CSMD1: variants seen among roughly 807,000 people sequenced by gnomAD.
CSMD1 encodes CUB and sushi domain-containing protein 1.
A neutral mutation model predicts 417.5 loss-of-function variants in CSMD1; 213 were observed. That is an observed-to-expected ratio of 0.51 (90% confidence interval 0.46 to 0.57). The LOEUF (loss-of-function observed/expected upper bound fraction) is 0.57. CSMD1 is among the 20% of genes least tolerant of loss of function. The pLI, the probability that CSMD1 is intolerant of heterozygous loss-of-function variation, is 0.00. For synonymous variants in CSMD1, 2,862 were observed against 1,736.8 expected (o/e 1.65, Z -16.11); for missense variants, 6,923 against 4,529.7 (o/e 1.53, Z -15.17).
chr8:4,823,328 G>C (rs1424670080), intron 1 of CSMD1, among the ~76,000 whole-genome samples: 1 of 151,808 alleles, frequency 6.6e-6, no homozygotes, highest in Admixed American at 6.6e-5. Context: ...TGATGACTTA[G>C]TTTTTAAAAT....
chr8:3,148,675 G>A (rs1818999994), intron 40 of CSMD1, among the ~76,000 whole-genome samples: 1 of 152,138 alleles, frequency 6.6e-6, no homozygotes, highest in Admixed American at 6.5e-5. Context: ...TGAAAGCTAG[G>A]TAGTAAAATT....
chr8:2,980,218 A>C (rs2128938732), intron 54 of CSMD1, among the ~76,000 whole-genome samples: 1 of 152,350 alleles, frequency 6.6e-6, no homozygotes, highest in South Asian at 2.1e-4. Context: ...CTTAGGAGAA[A>C]TGAGTGGAAG....
At chr8:3,678,032 T>C (rs1172092259) in intron 7 of CSMD1, among the ~76,000 whole-genome samples, 1 of 152,110 alleles carries the variant, frequency 6.6e-6, no homozygotes, top group Non-Finnish European at 1.5e-5. Context: ...GTTCTGTCAA[T>C]ATTTAAAGAC....
intron 2 of CSMD1, among the ~76,000 whole-genome samples, chr8:4,553,413 G>A (rs1011423382): frequency 1.3e-5 from 2 of 150,074 alleles, no homozygotes; most frequent in African/African-American, 4.9e-5. Context: ...AATTACTCCT[G>A]ACAGGCATTT....
At chr8:3,315,062 T>A (rs1805647250) in intron 23 of CSMD1, among the ~76,000 whole-genome samples, 1 of 152,202 alleles carries the variant, frequency 6.6e-6, no homozygotes. Flanking sequence ...TTGAAGTATT[T>A]ACAAAAACAT....
intron 10 of CSMD1, among the ~76,000 whole-genome samples, chr8:3,509,392 TA>T (rs1796969015): frequency 6.6e-6 from 1 of 152,210 alleles, no homozygotes. Flanking sequence ...CCATTGCTAT[TA>T]AATACAATTT....
intron 7 of CSMD1, among the ~76,000 whole-genome samples, chr8:3,644,300 A>T (rs1797463399): frequency 6.6e-6 from 1 of 152,210 alleles, no homozygotes; most frequent in Non-Finnish European, 1.5e-5. Flanking sequence ...ACTGCCTGTG[A>T]TCAATTTTGC....
chr8:4,702,352 C>T (rs370796186), intron 1 of CSMD1, among the ~76,000 whole-genome samples: 1 of 152,166 alleles, frequency 6.6e-6, no homozygotes, highest in African/African-American at 2.4e-5. Context: ...GCTAAACTGA[C>T]CCTCCTGCTC....
chr8:3,058,263 G>C (rs551647383), intron 49 of CSMD1, among the ~76,000 whole-genome samples: 3 of 152,206 alleles, frequency 2.0e-5, no homozygotes, highest in African/African-American at 7.2e-5. Context: ...AAATTACCGT[G>C]TGCATTGTCT....
chr8:4,037,032 G>C (rs370986414), intron 3 of CSMD1, among the ~76,000 whole-genome samples: 4 of 151,838 alleles, frequency 2.6e-5, no homozygotes, highest in South Asian at 2.1e-4. Flanking sequence ...TCCAGGGCTG[G>C]TGACCACCTG....
At chr8:4,416,716 C>T (rs1437012342) in intron 3 of CSMD1, among the ~76,000 whole-genome samples, 1 of 152,034 alleles carries the variant, frequency 6.6e-6, no homozygotes, top group Non-Finnish European at 1.5e-5. Context: ...ATATTTTCTT[C>T]AATGTCCTCA....
chr8:3,023,510 A>T (rs1458188697), intron 51 of CSMD1, among the ~76,000 whole-genome samples: 1 of 151,964 alleles, frequency 6.6e-6, no homozygotes, highest in Non-Finnish European at 1.5e-5. Flanking sequence ...ACTTTCTCTT[A>T]TTGTTTCTTG....
intron 2 of CSMD1, among the ~76,000 whole-genome samples, chr8:4,453,814 C>CTTTGTTTTTT (rs1799299669): frequency 1.5e-5 from 1 of 67,726 alleles, no homozygotes; most frequent in Non-Finnish European, 2.6e-5. Flanking sequence ...CAATTCGTTT[C>CTTTGTTTTTT]TTTTTTTTTT....
At chr8:3,862,852 T>C (rs1318971885) in intron 5 of CSMD1, among the ~76,000 whole-genome samples, 1 of 152,188 alleles carries the variant, frequency 6.6e-6, no homozygotes, top group Admixed American at 6.5e-5. Flanking sequence ...CAAAATCTCT[T>C]GGTCATTAGT....
chr8:4,402,012 C>G (rs1214844568), intron 3 of CSMD1, among the ~76,000 whole-genome samples: 1 of 152,046 alleles, frequency 6.6e-6, no homozygotes, highest in East Asian at 1.9e-4. Flanking sequence ...CCTGCTGCTA[C>G]CACTGTTATA....
chr8:4,579,603 C>G (rs937227714), intron 2 of CSMD1, among the ~76,000 whole-genome samples: 1 of 152,072 alleles, frequency 6.6e-6, no homozygotes, highest in Non-Finnish European at 1.5e-5. Flanking sequence ...ACCTCATGAT[C>G]CACCAACCTT....
intron 1 of CSMD1, among the ~76,000 whole-genome samples, chr8:4,946,933 T>C (rs1808411187): frequency 6.6e-6 from 1 of 152,230 alleles, no homozygotes; most frequent in Non-Finnish European, 1.5e-5. Flanking sequence ...TGTACATACG[T>C]ATTTTAATAT....
At chr8:3,331,320 T>G (rs890307387) in intron 23 of CSMD1, among the ~76,000 whole-genome samples, 2 of 152,024 alleles carry the variant, frequency 1.3e-5, no homozygotes, top group African/African-American at 4.8e-5. Context: ...ATATCTGTGG[T>G]AAAGAATCAT....
intron 3 of CSMD1, among the ~76,000 whole-genome samples, chr8:4,264,467 A>T (rs17069782): frequency 1.3e-5 from 2 of 152,058 alleles, no homozygotes; most frequent in African/African-American, 2.4e-5. Flanking sequence ...TTTGCAGATC[A>T]CAATTCTCTC....
Sources: allele counts gnomAD v4.1 joint callset (sites outside exome capture counted in the v4.1 genomes callset), GRCh38; gene constraint gnomAD v4.1.1; transcripts MANE v1.5; gene names NCBI Gene and HGNC (gene_info 2026-07-23, HGNC 2026-07-21).